Variants in SUGP2 observed in about 807,000 individuals in gnomAD.
SUGP2 encodes SURP and G-patch domain-containing protein 2.
SUGP2 carries 24 observed loss-of-function variants against 90.5 expected under a neutral mutation model. The observed-to-expected ratio is 0.27, with a 90% confidence interval of 0.19 to 0.37. SUGP2 has a LOEUF of 0.37. Among genes scored for constraint, SUGP2 ranks in the 10% least tolerant of loss-of-function variants. SUGP2 has a pLI of 1.00. For synonymous variants in SUGP2, 473 were observed against 513.4 expected (o/e 0.92, Z 1.06); for missense variants, 1,233 against 1,363.3 (o/e 0.90, Z 1.51).
chr19:18,998,433 T>C (rs189785583), intron 8 of SUGP2, among the ~76,000 whole-genome samples: 255 of 133,464 alleles, frequency 1.9e-3, no homozygotes, highest in African/African-American at 6.3e-3. Context: ...ATTACAGGTG[T>C]AAGCCACCGC....
At chr19:19,020,045 T>A (rs1599529210) in intron 3 of SUGP2, among the ~76,000 whole-genome samples, 1 of 122,058 alleles carries the variant, frequency 8.2e-6, no homozygotes, top group South Asian at 2.6e-4. Flanking sequence ...AGAGCGAGAC[T>A]CCATCACAAA....
In SUGP2 at chr19:19,004,339, G is replaced by A; in HGVS notation, c.2758C>T (p.Pro920Ser). 1.2e-6 allele frequency: 2 copies of A among 1,613,370 alleles called. No individual in the cohort carries two copies. The highest frequency in any genetic ancestry group is 1.7e-6 in the Non-Finnish European group (2 of 1,179,582). The part of the protein sequence containing the change: ...GGAGKSEGST[P>S]ADGLPGEAAE... ...GCCTCGCCGGGAAGGCCGTCGGCAGGGGTGCTGCCCTCAGACTTGCCCGCC... is the reference window on the plus strand; with the variant it reads ...GCCTCGCCGGGAAGGCCGTCGGCAGAGGTGCTGCCCTCAGACTTGCCCGCC... Residue 920 changes from proline to serine, a missense_variant, in exon 7 of 11, where the codon CCT (proline) becomes TCT (serine). Coordinates refer to ENST00000452918, the MANE Select transcript of SUGP2 (RefSeq NM_001017392.5).
chr19:19,008,975 G>C (rs914223781), intron 5 of SUGP2, among the ~76,000 whole-genome samples: 1 of 152,106 alleles, frequency 6.6e-6, no homozygotes, highest in Non-Finnish European at 1.5e-5. Flanking sequence ...GCAGTGGTGA[G>C]ATCTTGGCTC....
intron 3 of SUGP2, among the ~76,000 whole-genome samples, chr19:19,023,036 A>C (rs1253968613): frequency 6.6e-6 from 1 of 152,176 alleles, no homozygotes; most frequent in Non-Finnish European, 1.5e-5. Context: ...GGAGGAAGGA[A>C]GAGGGAAACC....
At chr19:19,000,749 C>T (rs1490940696) in intron 8 of SUGP2, among the ~76,000 whole-genome samples, 1 of 151,788 alleles carries the variant, frequency 6.6e-6, no homozygotes, top group Non-Finnish European at 1.5e-5. Flanking sequence ...AGTCTGTCGC[C>T]CAAGCTGGGG....
rs374454251 is a variant in SUGP2 at position 19,004,409 on chromosome 19, G to A, written c.2688C>T (p.Asp896=). 3.7e-5 allele frequency: 59 copies of A among 1,613,944 alleles called. No individual in the cohort carries two copies. Among genetic ancestry groups the A allele is most frequent in the South Asian group, 2.4e-4 (22 of 91,086 alleles). The change falls in exon 7 of 11, where the codon GAC becomes GAT. Residue 896 remains aspartate, a synonymous_variant. Coordinates refer to ENST00000452918, the MANE Select transcript of SUGP2 (RefSeq NM_001017392.5). ...CCTCTCCCCCATCCTCATCGTCCTC[G>A]TCCTCCTCCTCAGGCATCACCTCTG... The part of the protein sequence containing the change: ...ESPEVMPEEE[D]EDDEDGGEEA...
At chr19:19,027,803 A>C (rs1160706982) in intron 2 of SUGP2, among the ~76,000 whole-genome samples, 1 of 152,096 alleles carries the variant, frequency 6.6e-6, no homozygotes. Flanking sequence ...ATGCCCGGCT[A>C]ACTTTTGTAT....
rs1409106972 is a variant in SUGP2 at position 19,026,055 on chromosome 19, C to A, written c.293G>T (p.Ser98Ile). The change falls in exon 3 of 11, where the codon AGT becomes ATT. Residue 98 changes from serine (S) to isoleucine (I), a missense_variant. By Grantham distance (142) the Ser-to-Ile change is moderately radical. Around this residue, in one of 8 missense-constraint regions of SUGP2, gnomAD observed 418 missense variants for 399.9 expected, o/e 1.05. Coordinates refer to ENST00000452918, the MANE Select transcript of SUGP2 (RefSeq NM_001017392.5). ...PSFRSSNPSI[S>I]DDSYFRKECG... The stretch of plus-strand genomic sequence containing the variant: ...TTCTTTGCGAAAGTAGCTGTCATCA[C>A]TGATGGAAGGGTTGCTTGATCTGAA... The A allele has an allele frequency of 1.2e-6, 2 of 1,613,982 alleles. No homozygotes were observed. Among genetic ancestry groups the A allele is most frequent in the Non-Finnish European group, 1.7e-6 (2 of 1,180,018 alleles).
At chr19:19,009,799 G>A (rs1483106933) in intron 5 of SUGP2, 56 bp downstream of exon 5, 2 of 1,533,586 alleles carry the variant, frequency 1.3e-6, no homozygotes, top group Non-Finnish European at 1.7e-6. Flanking sequence ...AGAGACCCTG[G>A]AGATGGGAGA....
chr19:19,032,307 C>T (rs1007410315), intron 1 of SUGP2, among the ~76,000 whole-genome samples: 4 of 151,778 alleles, frequency 2.6e-5, no homozygotes, highest in East Asian at 3.9e-4. Flanking sequence ...TACAGGAGTC[C>T]GCCACCGCAT....
At chr19:19,012,657 G>A (rs2058349703) in intron 4 of SUGP2, among the ~76,000 whole-genome samples, 1 of 152,172 alleles carries the variant, frequency 6.6e-6, no homozygotes, top group African/African-American at 2.4e-5. Context: ...CTTTTCACTA[G>A]GAGGCAAGTG....
rs2058170799 is a variant in SUGP2, at chr19:19,008,382, A to G, written c.2385T>C (p.Val795=). 6.2e-7 allele frequency: 1 copy of G among 1,614,200 alleles called. No individual in the cohort carries two copies. Among genetic ancestry groups the G allele is most frequent in the Non-Finnish European group, 8.5e-7 (1 of 1,180,034 alleles). The part of the protein sequence containing the change: ...METAEKLARF[V]AQVGPEIEQF... ...GTTCGATCTCTGGTCCCACCTGAGC[A>G]ACAAATCTAGCCAGTTTCTCTGCAG... Residue 795 remains valine, a synonymous_variant, in exon 6 of 11, where the codon GTT becomes GTC. Coordinates refer to ENST00000452918, the MANE Select transcript of SUGP2 (RefSeq NM_001017392.5).
chr19:19,004,115 C>T (rs951360107), intron 7 of SUGP2, 53 bp downstream of exon 7: 119 of 1,388,386 alleles, frequency 8.6e-5, no homozygotes, highest in Non-Finnish European at 1.1e-4. Flanking sequence ...CTCTCACAGC[C>T]CACCAACCAA....
intron 7 of SUGP2, among the ~76,000 whole-genome samples, chr19:19,003,786 G>C (rs543785309): frequency 7.2e-5 from 11 of 152,320 alleles, no homozygotes; most frequent in Non-Finnish European, 1.2e-4. Context: ...CCATCTCACT[G>C]TCATGACATG....
intron 1 of SUGP2, 71 bp downstream of exon 1, chr19:19,033,366 G>GC: frequency 8.5e-7 from 1 of 1,174,274 alleles, no homozygotes; most frequent in Non-Finnish European, 1.0e-6. Flanking sequence ...CCCGGGGCGG[G>GC]CCCCCAAGGC....
intron 4 of SUGP2, among the ~76,000 whole-genome samples, chr19:19,016,667 A>AG (rs2058513782): frequency 6.6e-6 from 1 of 152,178 alleles, no homozygotes; most frequent in African/African-American, 2.4e-5. Flanking sequence ...TGGATCCTCA[A>AG]GGCAAGAGGG....
intron 3 of SUGP2, 41 bp from the exon 4 acceptor site, chr19:19,019,270 T>G (rs1489931366): frequency 8.2e-6 from 13 of 1,588,930 alleles, no homozygotes; most frequent in Non-Finnish European, 1.0e-5. Flanking sequence ...ATATGCTGAA[T>G]GTGGGCTCTG....
chr19:19,014,318 C>T (rs568465175), intron 4 of SUGP2, among the ~76,000 whole-genome samples: 1 of 151,992 alleles, frequency 6.6e-6, no homozygotes, highest in African/African-American at 2.4e-5. Flanking sequence ...GTGCACGACA[C>T]GAGGCAGGTC....
chr19:19,015,204 AAAATAAAT>A (rs140520431), intron 4 of SUGP2, among the ~76,000 whole-genome samples: 30 of 146,622 alleles, frequency 2.0e-4, no homozygotes, highest in African/African-American at 5.5e-4. Context: ...TCTGTCTCAA[AAAATAAAT>A]AAATAAATAA....
Sources: allele counts gnomAD v4.1 joint callset (sites outside exome capture counted in the v4.1 genomes callset), GRCh38; gene constraint gnomAD v4.1.1; regional missense constraint gnomAD v4.1.1; transcripts MANE v1.5; gene names NCBI Gene and HGNC (gene_info 2026-07-23, HGNC 2026-07-21).